Variants in KAT6B observed in about 807,000 individuals in gnomAD.
KAT6B encodes lysine acetyltransferase 6B.
In KAT6B, 10 loss-of-function variants were observed where a neutral mutation model predicts 187.5. The ratio of observed to expected loss-of-function variants is 0.05; its 90% confidence interval spans 0.03 to 0.09. The LOEUF is 0.09. Among genes scored for constraint, KAT6B ranks in the 10% least tolerant of loss-of-function variants. KAT6B has a pLI of 1.00. For missense variants in KAT6B, 1,952 were observed against 2,558.9 expected (o/e 0.76, Z 5.12); for synonymous variants, 861 against 926.8 (o/e 0.93, Z 1.29).
At chr10:75,022,322 C>G in intron 16 of KAT6B, 91 bp downstream of exon 16, 1 of 1,426,480 alleles carries the variant, frequency 7.0e-7, no homozygotes, top group Non-Finnish European at 9.9e-7. Context: ...TTGTTTCACT[C>G]TCTGTTCTTT....
At chr10:74,944,940 A>G (rs1319326847) in intron 3 of KAT6B, among the ~76,000 whole-genome samples, 1 of 152,248 alleles carries the variant, frequency 6.6e-6, no homozygotes, top group East Asian at 1.9e-4. Flanking sequence ...GTAAAATGGC[A>G]CAAGCACCTT....
At chr10:74,974,625 A>G (rs1292896180) in intron 7 of KAT6B, among the ~76,000 whole-genome samples, 1 of 152,220 alleles carries the variant, frequency 6.6e-6, no homozygotes, top group Non-Finnish European at 1.5e-5. Context: ...GGGCAGAACC[A>G]GGGTACAAAG....
chr10:74,998,995 A>T (rs1405132913), intron 13 of KAT6B, among the ~76,000 whole-genome samples: 1 of 152,252 alleles, frequency 6.6e-6, no homozygotes, highest in Non-Finnish European at 1.5e-5. Flanking sequence ...TTATATATGT[A>T]ATATGTTCTC....
intron 3 of KAT6B, among the ~76,000 whole-genome samples, chr10:74,866,464 A>G (rs1589505955): frequency 2.0e-5 from 3 of 152,134 alleles, no homozygotes; most frequent in Middle Eastern, 3.2e-3. Flanking sequence ...ACCAGTGTTC[A>G]TTATGCTACT....
At chr10:74,836,981 T>C (rs532966015) in intron 1 of KAT6B, among the ~76,000 whole-genome samples, 1 of 152,346 alleles carries the variant, frequency 6.6e-6, no homozygotes, top group Non-Finnish European at 1.5e-5. Context: ...TCTTTGTTTT[T>C]TTCTACCACT....
At chr10:74,915,125 A>G (rs1481399394) in intron 3 of KAT6B, among the ~76,000 whole-genome samples, 1 of 152,092 alleles carries the variant, frequency 6.6e-6, no homozygotes. Flanking sequence ...TTATTAAAAC[A>G]TGCTCTTACT....
intron 3 of KAT6B, among the ~76,000 whole-genome samples, chr10:74,855,656 G>A (rs1842768829): frequency 6.6e-6 from 1 of 152,176 alleles, no homozygotes; most frequent in Non-Finnish European, 1.5e-5. Flanking sequence ...TAGACTCCTG[G>A]CAGTGTGTGA....
At chr10:74,948,540 C>T (rs188778177) in intron 3 of KAT6B, among the ~76,000 whole-genome samples, 2 of 152,316 alleles carry the variant, frequency 1.3e-5, no homozygotes, top group African/African-American at 4.8e-5. Flanking sequence ...GTCTCCTGAG[C>T]AGTTAGAGCA....
At chr10:74,930,183 A>T (rs1848776198) in intron 3 of KAT6B, among the ~76,000 whole-genome samples, 1 of 152,126 alleles carries the variant, frequency 6.6e-6, no homozygotes, top group South Asian at 2.1e-4. Flanking sequence ...TCGGCCTCCC[A>T]GAGTGTTGGG....
At chr10:74,914,372 T>C (rs1847492385) in intron 3 of KAT6B, among the ~76,000 whole-genome samples, 1 of 152,188 alleles carries the variant, frequency 6.6e-6, no homozygotes, top group Non-Finnish European at 1.5e-5. Flanking sequence ...CATCTTATTA[T>C]TTAAATTAAT....
chr10:74,937,649 C>T (rs1432110633), intron 3 of KAT6B, among the ~76,000 whole-genome samples: 1 of 152,116 alleles, frequency 6.6e-6, no homozygotes, highest in Non-Finnish European at 1.5e-5. Context: ...GGTTCTAAAG[C>T]CTGACTACCC....
chr10:74,930,671 A>G (rs1337475072), intron 3 of KAT6B, among the ~76,000 whole-genome samples: 1 of 152,230 alleles, frequency 6.6e-6, no homozygotes, highest in Admixed American at 6.5e-5. Flanking sequence ...TGTGTTAAAT[A>G]TTTATTAATA....
At chr10:74,892,232 G>T (rs1845688245) in intron 3 of KAT6B, among the ~76,000 whole-genome samples, 1 of 152,170 alleles carries the variant, frequency 6.6e-6, no homozygotes, top group South Asian at 2.1e-4. Context: ...GCCAGGCATG[G>T]TGGTGTGCAC....
intron 3 of KAT6B, among the ~76,000 whole-genome samples, chr10:74,907,521 T>A (rs1846860408): frequency 6.6e-6 from 1 of 151,838 alleles, no homozygotes; most frequent in African/African-American, 2.4e-5. Flanking sequence ...TTTTTCTTTT[T>A]CTTTTTCTTT....
chr10:74,842,802 AAT>A lies in KAT6B; in HGVS notation c.-54_-53del, dbSNP rs1841840326. ...ACTTTCAAATGTGCAAGTTCTGTTA[AAT>A]ACAAAGAGAACCTCTATGGGTAACT... On this transcript the variant is annotated 5_prime_UTR_variant, in exon 3 of 18. It removes the in-frame stop codon of an upstream open reading frame in the 5' UTR. Transcript: ENST00000287239. 1 of 1,599,936 alleles carries A rather than the reference AAT, an allele frequency of 6.3e-7. No individual in the cohort carries two copies. The highest frequency in any genetic ancestry group is 8.5e-7 in the Non-Finnish European group (1 of 1,170,354).
chr10:74,968,355 T>C (rs1463352305), intron 4 of KAT6B, among the ~76,000 whole-genome samples: 1 of 152,206 alleles, frequency 6.6e-6, no homozygotes, highest in Non-Finnish European at 1.5e-5. Context: ...TATTTTATTT[T>C]CTCAACATCT....
intron 3 of KAT6B, among the ~76,000 whole-genome samples, chr10:74,874,620 A>T (rs1393963039): frequency 6.6e-6 from 1 of 152,114 alleles, no homozygotes; most frequent in Non-Finnish European, 1.5e-5. Flanking sequence ...ACCTCAAGTG[A>T]TCCACCTGCC....
chr10:74,862,445 G>A (rs1006730207), intron 3 of KAT6B, among the ~76,000 whole-genome samples: 3 of 152,172 alleles, frequency 2.0e-5, no homozygotes, highest in African/African-American at 4.8e-5. Context: ...GCTTTTAAAC[G>A]TTAGATGCCC....
At chr10:74,982,829 G>C (rs993886703) in intron 11 of KAT6B, 1 of 152,184 alleles carries the variant, frequency 6.6e-6, no homozygotes, top group African/African-American at 2.4e-5. Context: ...TCTTTCTCTG[G>C]AATATAGTTT....
Sources: gnomAD v4.1 joint callset for allele counts (sites outside exome capture counted in the v4.1 genomes callset) on GRCh38, gnomAD v4.1.1 for gene constraint, MANE v1.5 for transcripts, NCBI Gene and HGNC (gene_info 2026-07-23, HGNC 2026-07-21) for gene names.